The following NSD1 variants were observed in gnomAD, a reference collection of about 807,000 sequenced individuals.
NSD1 encodes nuclear receptor binding SET domain protein 1, also known as histone-lysine N-methyltransferase, H3 lysine-36 specific.
Under a neutral mutation model 242.7 loss-of-function variants are expected in NSD1, and 26 were observed. That is an observed-to-expected ratio of 0.11 (90% CI 0.08 to 0.15). The LOEUF (loss-of-function observed/expected upper bound fraction) is 0.15. NSD1 is among the 10% of genes least tolerant of loss of function. The probability of loss-of-function intolerance (pLI) is 1.00; values close to 1 mark genes in which losing one functional copy is unlikely to be tolerated. For missense variants in NSD1, 2,495 were observed against 3,272.8 expected, an observed-to-expected ratio of 0.76 and a Z score of 5.80; for synonymous variants, 1,106 against 1,178.1, an observed-to-expected ratio of 0.94 and a Z score of 1.25.
chr5:177,179,210 T>C (rs1450044628), intron 2 of NSD1, among the ~76,000 whole-genome samples: 1 of 152,106 alleles, frequency 6.6e-6, no homozygotes, highest in Non-Finnish European at 1.5e-5. Context: ...TTAAGTGTTT[T>C]TTTTGTTTGT....
rs536328159 is a variant in NSD1 at position 177,266,113 on chromosome 5, T to C, written c.5147-1449T>C. The C allele has an allele frequency of 2.8e-5, 31 of 1,126,246 alleles. 1 individual carries two copies. In the South Asian group the frequency reaches 3.7e-4, roughly 13 times the overall value. The allele number at this position is 1,126,246 out of a possible 1,614,324, so 69.8% of individuals were successfully genotyped here. A position where few individuals can be genotyped will look rare whatever the true frequency, so the allele number is the denominator to read the frequency against. ...CCGTCACATACAGTGTGGCCCGTTCTGGGAAGATGAGGCTATTGGGCGCCA... is the reference window on the plus strand; with the variant it reads ...CCGTCACATACAGTGTGGCCCGTTCCGGGAAGATGAGGCTATTGGGCGCCA... On this transcript the variant is annotated intron_variant, in intron 14 of 22. Coordinates refer to ENST00000439151, the MANE Select transcript of NSD1 (RefSeq NM_022455.5).
chr5:177,280,475 A>G (rs1581526947), intron 17 of NSD1, 90 bp from the exon 18 acceptor site: 1 of 1,465,362 alleles, frequency 6.8e-7, no homozygotes. Flanking sequence ...TGTGGCTGCA[A>G]CTTCAAGGAA....
upstream of NSD1, among the ~76,000 whole-genome samples, chr5:177,132,844 T>C (rs1257419548): frequency 6.6e-6 from 1 of 151,752 alleles, no homozygotes; most frequent in African/African-American, 2.4e-5. This position sits in a 1 kb window ranked among gnomAD's most constrained non-coding sequence, Gnocchi z 7.5. Flanking sequence ...GGTGAGGGGC[T>C]GTGGGCACCG....
intron 2 of NSD1, among the ~76,000 whole-genome samples, chr5:177,140,782 T>A (rs2149763156): frequency 6.6e-6 from 1 of 152,256 alleles, no homozygotes; most frequent in South Asian, 2.1e-4. Flanking sequence ...GGCTACCTGA[T>A]CTGGAGGCAG....
rs1295294775 is a variant in NSD1, at chr5:177,134,466, C to T, written c.-18+514C>T. 6.6e-6 allele frequency among the ~76,000 whole-genome samples: 1 copy of T among 152,192 alleles called. No individual in the cohort carries two copies. The highest frequency in any genetic ancestry group is 2.4e-5 in the African/African-American group (1 of 41,460). ...GGCTTCGCTGGCCGCCTCGGTTTCT[C>T]CCTCTGCCGGGTCCAGGCCTCTTCG... On this transcript the variant is annotated intron_variant, in intron 1 of 22. Coordinates refer to ENST00000439151, the MANE Select transcript of NSD1 (RefSeq NM_022455.5). This position sits in a 1 kb window ranked among gnomAD's most constrained non-coding sequence, Gnocchi z 4.2.
chr5:177,258,011 G>A (rs757445068), intron 13 of NSD1, among the ~76,000 whole-genome samples: 2 of 95,410 alleles, frequency 2.1e-5, no homozygotes, highest in African/African-American at 4.2e-5. Flanking sequence ...ATGGAGTTTC[G>A]CTTTTGTTGC....
Position 177,185,689 on chromosome 5 carries a change from GT to G in NSD1, c.928-6189del, listed in dbSNP as rs1196478740. Among the ~76,000 whole-genome samples, 456 of 111,122 alleles carry G rather than the reference GT, an allele frequency of 4.1e-3. 4 individuals carry two copies. The highest frequency in any genetic ancestry group is 0.015 in the African/African-American group (415 of 28,424). The allele number at this position is 111,122 out of a possible 152,430, so 72.9% of individuals were successfully genotyped here. On this transcript the variant is annotated intron_variant, in intron 2 of 22. Transcript: ENST00000439151. ...TTATATATATATATAATATATATTT[GT>G]TTTTTATTATAATATATATACATTA...
At chr5:177,244,416 A>C in intron 9 of NSD1, 146 bp downstream of exon 9, 1 of 668,036 alleles carries the variant, frequency 1.5e-6, no homozygotes. Context: ...GCTTCCTGAA[A>C]AAGAAAAAAT....
chr5:177,289,883 A>T (rs577032514), intron 21 of NSD1, among the ~76,000 whole-genome samples: 1 of 149,856 alleles, frequency 6.7e-6, no homozygotes, highest in Non-Finnish European at 1.5e-5. Context: ...GCTGGAGTGC[A>T]GTGGCGCAAT....
upstream of NSD1, among the ~76,000 whole-genome samples, chr5:177,132,517 G>A (rs1051420720): frequency 6.6e-6 from 1 of 151,918 alleles, no homozygotes; most frequent in African/African-American, 2.4e-5. This position sits in a 1 kb window ranked among gnomAD's most constrained non-coding sequence, Gnocchi z 7.5. Context: ...CCCGCCCGAG[G>A]CTGCGAGGAC....
intron 2 of NSD1, among the ~76,000 whole-genome samples, chr5:177,172,961 CAAAAAAA>C (rs1157349270): frequency 1.5e-5 from 1 of 66,022 alleles, no homozygotes; most frequent in South Asian, 5.2e-4. Context: ...GACCCTGTCT[CAAAAAAA>C]AAAAAAAAAA....
At chr5:177,184,332 C>T (rs913963407) in intron 2 of NSD1, among the ~76,000 whole-genome samples, 1 of 152,118 alleles carries the variant, frequency 6.6e-6, no homozygotes, top group Admixed American at 6.6e-5. Flanking sequence ...GATGGTATCT[C>T]ATTGTAGTTT....
chr5:177,207,190 C>G (rs1762942245), intron 4 of NSD1, among the ~76,000 whole-genome samples: 1 of 152,136 alleles, frequency 6.6e-6, no homozygotes. Context: ...CCCGCCATCC[C>G]CCCGACCTTG....
In NSD1 at chr5:177,235,901, G is replaced by A. The variant is rs777081206; in HGVS notation, c.3877G>A (p.Ala1293Thr). 6.2e-7 allele frequency: 1 copy of A among 1,613,882 alleles called. No homozygotes were observed. The highest frequency in any genetic ancestry group is 1.3e-5 in the African/African-American group (1 of 75,020). Reference protein sequence around the residue: ...EYTEEYDQIFAPKKKQKKVQE... With the variant: ...EYTEEYDQIFTPKKKQKKVQE... ...TACAGAAGAATATGATCAGATATTT[G>A]CTCCTAAGAAAAAACAAAAGAAGGT... The change falls in exon 6 of 23, where the codon GCT becomes ACT. Residue 1293 changes from alanine to threonine, a missense_variant. Coordinates refer to ENST00000439151, the MANE Select transcript of NSD1 (RefSeq NM_022455.5).
chr5:177,266,578 GC>G, intron 14 of NSD1: 1 of 675,004 alleles, frequency 1.5e-6, no homozygotes, highest in Non-Finnish European at 2.2e-6. Flanking sequence ...CACGACCTCG[GC>G]GGCCGCCATC....
rs1279149202 is a variant in NSD1, at chr5:177,208,010, T to C, written c.1237-1626T>C. Among the ~76,000 whole-genome samples the C allele has an allele frequency of 2.0e-5, 3 of 152,114 alleles. No homozygotes were observed. The East Asian group carries it at 5.8e-4, about 29-fold the overall frequency. ...AACTCCAGAGCTCATGTAATCCACCTGCCTCAGCCTCTCAAAGTCCTGGGA... is the reference window on the plus strand; with the variant it reads ...AACTCCAGAGCTCATGTAATCCACCCGCCTCAGCCTCTCAAAGTCCTGGGA... On this transcript the variant is annotated intron_variant, in intron 4 of 22. Transcript: ENST00000439151.
At chr5:177,276,428 C>T (rs1758387909) in intron 17 of NSD1, among the ~76,000 whole-genome samples, 1 of 151,728 alleles carries the variant, frequency 6.6e-6, no homozygotes, top group Non-Finnish European at 1.5e-5. Context: ...GGATTCAGCC[C>T]ACTCTCCTGC....
chr5:177,209,777 T>C lies in NSD1; in HGVS notation c.1378T>C (p.Cys460Arg), dbSNP rs768256804. Residue 460 changes from cysteine to arginine, a missense_variant, in exon 5 of 23, where the codon TGC becomes CGC. Transcript: ENST00000439151. ...TGAAGAAGATATGCCATTTGAAGAC[T>C]GCACAAATGATCCTGAGTCAGAACA... ...DSEEDMPFED[C>R]TNDPESEHDL... 3.1e-6 allele frequency: 5 copies of C among 1,614,174 alleles called. 1 individual carries two copies. Among genetic ancestry groups the C allele is most frequent in the South Asian group, 2.2e-5 (2 of 91,090 alleles).
chr5:177,257,211 T>C (rs371923943), intron 13 of NSD1, 60 bp downstream of exon 13: 2 of 1,286,344 alleles, frequency 1.6e-6, no homozygotes, highest in African/African-American at 3.0e-5. Flanking sequence ...TGGCAACAGA[T>C]ATTTTCTTTT....
Sources: allele counts gnomAD v4.1 joint callset (sites outside exome capture counted in the v4.1 genomes callset), GRCh38; gene constraint gnomAD v4.1.1; non-coding constraint Gnocchi (gnomAD v3.1); transcripts MANE v1.5; gene names NCBI Gene and HGNC (gene_info 2026-07-23, HGNC 2026-07-21).